Variants in STXBP5L observed in about 807,000 individuals in gnomAD.
The protein encoded by STXBP5L is syntaxin binding protein 5L, also known as syntaxin-binding protein 5-like.
In STXBP5L, 65 loss-of-function variants were observed where a neutral mutation model predicts 144.5. The observed-to-expected ratio is 0.45, with a 90% CI of 0.37 to 0.55. The LOEUF (loss-of-function observed/expected upper bound fraction) is 0.55, where lower values mean the gene tolerates loss of function less well. STXBP5L is among the 20% of genes least tolerant of loss of function. The pLI, the probability that STXBP5L is intolerant of heterozygous loss-of-function variation, is 0.00. For synonymous variants in STXBP5L, 505 were observed against 469.6 expected (o/e 1.08, Z -0.97); for missense variants, 1,298 against 1,405.5 (o/e 0.92, Z 1.22).
In STXBP5L at chr3:121,162,790, A is replaced by G. The variant is rs183584649; in HGVS notation, c.877+5163A>G. Among the ~76,000 whole-genome samples, 39 of 152,366 alleles carry G rather than the reference A, an allele frequency of 2.6e-4. No homozygotes were observed. The East Asian group carries it at 6.5e-3, about 26-fold the overall frequency. ...ATGAACAGACACTTCTCAAAAGAAG[A>G]CATTCATGCAACCAACAAATATATG... On this transcript the variant is annotated intron_variant, in intron 9 of 26. Transcript: ENST00000471454.
intron 7 of STXBP5L, among the ~76,000 whole-genome samples, chr3:121,140,136 A>G (rs1018366475): frequency 5.7e-5 from 8 of 141,172 alleles, no homozygotes; most frequent in African/African-American, 2.1e-4. Flanking sequence ...CATATTATAA[A>G]TGGCCAACAA....
intron 9 of STXBP5L, among the ~76,000 whole-genome samples, chr3:121,192,327 C>A (rs184163005): frequency 6.6e-6 from 1 of 152,082 alleles, no homozygotes; most frequent in Non-Finnish European, 1.5e-5. Context: ...AAAGGGGACA[C>A]AAACAAATGG....
chr3:121,416,492 T>C (rs2047238748), intron 25 of STXBP5L, among the ~76,000 whole-genome samples: 1 of 137,686 alleles, frequency 7.3e-6, no homozygotes, highest in Admixed American at 7.3e-5. Flanking sequence ...TATTTATTTA[T>C]TTATTTATTT....
chr3:121,152,173 A>G (rs910138925), intron 7 of STXBP5L, among the ~76,000 whole-genome samples: 43 of 152,018 alleles, frequency 2.8e-4, no homozygotes, highest in Non-Finnish European at 2.1e-4. Context: ...GTTTTATTTC[A>G]TCTTCGTTTT....
At chr3:121,391,303 T>G (rs1188333057) in intron 22 of STXBP5L, among the ~76,000 whole-genome samples, 1 of 152,164 alleles carries the variant, frequency 6.6e-6, no homozygotes, top group Non-Finnish European at 1.5e-5. Flanking sequence ...TTTTTCAAGC[T>G]TTTTACCTTC....
At chr3:120,989,141 T>C (rs561727406) in intron 3 of STXBP5L, among the ~76,000 whole-genome samples, 13 of 152,262 alleles carry the variant, frequency 8.5e-5, no homozygotes, top group African/African-American at 2.9e-4. Context: ...AGTGCAGTTA[T>C]CTTTTGATAC....
intron 3 of STXBP5L, among the ~76,000 whole-genome samples, chr3:120,958,307 A>G (rs1052622735): frequency 2.0e-5 from 3 of 152,234 alleles, no homozygotes; most frequent in Non-Finnish European, 4.4e-5. Context: ...AGATGGATTC[A>G]CAGCCGAATT....
intron 2 of STXBP5L, among the ~76,000 whole-genome samples, chr3:120,922,564 A>G (rs1709409600): frequency 6.6e-6 from 1 of 152,040 alleles, no homozygotes; most frequent in South Asian, 2.1e-4. Context: ...AAAGGCTTTC[A>G]AATTTTCCCT....
At chr3:121,078,164 AC>A (rs372343150) in intron 5 of STXBP5L, among the ~76,000 whole-genome samples, 38 of 151,786 alleles carry the variant, frequency 2.5e-4, no homozygotes, top group African/African-American at 9.0e-4. Context: ...GCATTCACAA[AC>A]CCTGAACTAG....
intron 2 of STXBP5L, among the ~76,000 whole-genome samples, chr3:120,930,396 G>A (rs1364952094): frequency 6.6e-6 from 1 of 151,680 alleles, no homozygotes; most frequent in Admixed American, 6.6e-5. Context: ...CTGTGTTTTA[G>A]CTCTTTCTGT....
In STXBP5L at chr3:121,121,854, A is replaced by AAATG. The variant is rs1238689263; in HGVS notation, c.669+166_669+169dup. ...AAATGTGTTGAATCAACGAATGAGTAAATGAATGAATGAATGAATCATGCT... is the reference window on the plus strand; with the variant it reads ...AAATGTGTTGAATCAACGAATGAGTAAATGAATGAATGAATGAATGAATCATGCT... On this transcript the variant is annotated intron_variant, in intron 7 of 26. Coordinates refer to ENST00000471454, the MANE Select transcript of STXBP5L (RefSeq NM_001308330.2). 1.6e-5 allele frequency: 8 copies of AAATG among 498,992 alleles called. No homozygotes were observed. In the East Asian group the frequency reaches 2.1e-4, roughly 13 times the overall value. 30.9% of individuals were successfully genotyped at this position (498,992 alleles called of 1,614,324 possible).
intron 5 of STXBP5L, 119 bp downstream of exon 5, chr3:121,045,654 G>A (rs909776874): frequency 3.4e-6 from 3 of 880,450 alleles, no homozygotes; most frequent in Middle Eastern, 2.8e-4. Flanking sequence ...ATAATTTAAT[G>A]TTTATGCTTA....
chr3:121,140,307 A>C (rs563194691), intron 7 of STXBP5L, among the ~76,000 whole-genome samples: 1 of 152,234 alleles, frequency 6.6e-6, no homozygotes, highest in East Asian at 1.9e-4. Flanking sequence ...AATTGGTATA[A>C]CCATTGTAGA....
chr3:121,367,160 T>TGTG, intron 20 of STXBP5L, among the ~76,000 whole-genome samples: 1 of 152,150 alleles, frequency 6.6e-6, no homozygotes. Context: ...ACCCAAAAGG[T>TGTG]GTGGTTACAA....
At chr3:121,032,636 C>A (rs1946453897) in intron 3 of STXBP5L, among the ~76,000 whole-genome samples, 1 of 130,182 alleles carries the variant, frequency 7.7e-6, no homozygotes, top group Non-Finnish European at 1.6e-5. Context: ...GAACAGGCAA[C>A]CTACAACATG....
chr3:121,063,328 T>G (rs1323307447), intron 5 of STXBP5L, among the ~76,000 whole-genome samples: 1 of 152,212 alleles, frequency 6.6e-6, no homozygotes, highest in Non-Finnish European at 1.5e-5. Flanking sequence ...CAGTGGATGC[T>G]GCAGAACAGC....
At chr3:121,017,328 A>C (rs1043278947) in intron 3 of STXBP5L, among the ~76,000 whole-genome samples, 1 of 152,234 alleles carries the variant, frequency 6.6e-6, no homozygotes, top group Non-Finnish European at 1.5e-5. Flanking sequence ...ACCTACAGCA[A>C]CATTATACTT....
intron 3 of STXBP5L, among the ~76,000 whole-genome samples, chr3:120,966,591 T>C (rs1416312699): frequency 1.3e-5 from 2 of 152,200 alleles, no homozygotes; most frequent in African/African-American, 4.8e-5. Context: ...AGGTCCTGTT[T>C]GCCTGGGTAT....
intron 3 of STXBP5L, among the ~76,000 whole-genome samples, chr3:120,955,669 G>T (rs1013832991): frequency 2.0e-5 from 3 of 151,884 alleles, no homozygotes; most frequent in Admixed American, 1.3e-4. Context: ...TGCTCCAATT[G>T]TAGCATCTTA....
Sources: allele counts gnomAD v4.1 joint callset (sites outside exome capture counted in the v4.1 genomes callset), GRCh38; gene constraint gnomAD v4.1.1; transcripts MANE v1.5; gene names NCBI Gene and HGNC (gene_info 2026-07-23, HGNC 2026-07-21).